IL36B: variants seen among roughly 807,000 people sequenced by gnomAD.
IL36B encodes interleukin 36 beta, also known as interleukin-36 beta.
Under a neutral mutation model 19.3 loss-of-function variants are expected in IL36B, and 23 were observed. The ratio of observed to expected loss-of-function variants is 1.19; its 90% confidence interval spans 0.86 to 1.69. The LOEUF (loss-of-function observed/expected upper bound fraction) is 1.69. Ranked by LOEUF, IL36B falls within the 40% of genes most tolerant of loss-of-function variation. The pLI, the probability that IL36B is intolerant of heterozygous loss-of-function variation, is 0.00. For missense variants in IL36B, 217 were observed against 200.5 expected (o/e 1.08, Z -0.50); for synonymous variants, 59 against 59.7 (o/e 0.99, Z 0.05).
At chr2:113,049,954 T>TAA (rs749594938) in intron 1 of IL36B, among the ~76,000 whole-genome samples, 2 of 139,370 alleles carry the variant, frequency 1.4e-5, no homozygotes, top group East Asian at 2.1e-4. Context: ...AAACTCCGTC[T>TAA]AAAAAAAAAA....
At chr2:113,026,319 G>A in intron 4 of IL36B, 1 of 1,577,858 alleles carries the variant, frequency 6.3e-7, no homozygotes, top group Non-Finnish European at 8.6e-7. Flanking sequence ...AATGACTGGA[G>A]TAAAAGGCCT....
At position 113,027,658 on chromosome 2, in the gene IL36B, G is replaced by A. The variant is rs981968882; in HGVS notation, c.261+1281C>T. 1.6e-5 allele frequency: 21 copies of A among 1,332,630 alleles called. No individual in the cohort carries two copies. The African/African-American group carries it at 3.1e-4, about 20-fold the overall frequency. 82.6% of individuals were successfully genotyped at this position (1,332,630 alleles called of 1,614,324 possible). ...TGGGCATGGCAGCTGAGTGGATGGT[G>A]GGGTAAGATCAAGAAAGAATGGAAA... On this transcript the variant is annotated intron_variant, in intron 4 of 5. Coordinates refer to ENST00000259213, the MANE Select transcript of IL36B (RefSeq NM_014438.5).
chr2:113,032,133 CTGTGTG>C lies in IL36B; in HGVS notation c.-57-373_-57-368del, dbSNP rs56385654. Among the ~76,000 whole-genome samples the C allele has an allele frequency of 4.4e-3, 629 of 144,006 alleles. 5 individuals are homozygous for C. Among genetic ancestry groups the C allele is most frequent in the Middle Eastern group, 0.014 (4 of 292 alleles). The allele number at this position is 144,006 out of a possible 152,430, so 94.5% of individuals were successfully genotyped here. A position where few individuals can be genotyped will look rare whatever the true frequency, so the allele number is the denominator to read the frequency against. ...GGAGAGACAGAGTGCGTGTGTGTGT[CTGTGTG>C]TGTGTGTGTGTGTGTGTGTGTGTGT... On this transcript the variant is annotated intron_variant, in intron 1 of 5. Transcript: ENST00000259213.
At position 113,026,279 on chromosome 2, in the gene IL36B, G is replaced by T. The variant is rs533516809; in HGVS notation, c.262-47C>A. ...TGTTGCTGAGATAATACACTGCCAG[G>T]TTACACTGTCTCAAAGTTGGTTGCA... On this transcript the variant is annotated intron_variant, in intron 4 of 5. Transcript: ENST00000259213. The T allele has an allele frequency of 5.2e-5, 83 of 1,609,902 alleles. 1 individual carries two copies. In the South Asian group the frequency reaches 5.6e-4, roughly 11 times the overall value.
At chr2:113,030,732 A>G (rs2105043881) in intron 3 of IL36B, among the ~76,000 whole-genome samples, 1 of 152,318 alleles carries the variant, frequency 6.6e-6, no homozygotes, top group Admixed American at 6.5e-5. Flanking sequence ...GGACACAGGT[A>G]GCAATGGTTG....
At chr2:113,045,726 A>G (rs1186904001) in intron 1 of IL36B, among the ~76,000 whole-genome samples, 2 of 152,154 alleles carry the variant, frequency 1.3e-5, no homozygotes, top group Non-Finnish European at 2.9e-5. Context: ...AAATTCACTA[A>G]TAATTTCTTC....
At chr2:113,036,846 A>T (rs1301091348) in intron 1 of IL36B, among the ~76,000 whole-genome samples, 3 of 152,180 alleles carry the variant, frequency 2.0e-5, no homozygotes, top group African/African-American at 7.2e-5. Flanking sequence ...GTCAGAAGGG[A>T]CTGCATCTGA....
intron 5 of IL36B, chr2:113,022,918 T>C: frequency 5.0e-6 from 3 of 598,948 alleles, no homozygotes; most frequent in Non-Finnish European, 9.0e-6. Flanking sequence ...TCAGCCTTAC[T>C]CACTTGATTC....
chr2:113,042,575 G>A (rs1471246974), intron 1 of IL36B, among the ~76,000 whole-genome samples: 1 of 152,136 alleles, frequency 6.6e-6, no homozygotes, highest in Non-Finnish European at 1.5e-5. Context: ...TTTATATAAA[G>A]GGGATCCCCC....
At chr2:113,040,233 C>A (rs1336837161) in intron 1 of IL36B, among the ~76,000 whole-genome samples, 2 of 152,178 alleles carry the variant, frequency 1.3e-5, no homozygotes, top group South Asian at 2.1e-4. Context: ...AAACTCCCAG[C>A]AAACTAGGAA....
chr2:113,025,993 C>T (rs13030063), intron 5 of IL36B: 828,187 of 1,483,680 alleles, frequency 0.56, 237,881 homozygotes, highest in East Asian at 0.7. Context: ...CTTAGACCTG[C>T]CATGGGTGAT....
At chr2:113,037,032 T>C (rs946044026) in intron 1 of IL36B, among the ~76,000 whole-genome samples, 2 of 152,254 alleles carry the variant, frequency 1.3e-5, no homozygotes, top group Admixed American at 1.3e-4. Flanking sequence ...TGAGGGAACC[T>C]TGGCTCTGAA....
chr2:113,036,940 C>CA lies in IL36B; in HGVS notation c.-57-5175_-57-5174insT, dbSNP rs1394064020. Among the ~76,000 whole-genome samples the CA allele has an allele frequency of 2.0e-5, 3 of 151,082 alleles. 1 individual carries two copies. The highest frequency in any genetic ancestry group is 4.4e-5 in the Non-Finnish European group (3 of 68,048). ...TGCCTGCAGGGAATTTGCGCTGCTC[C>CA]GATTCTCCAGTCTGGGGAATGTAAT... On this transcript the variant is annotated intron_variant, in intron 1 of 5. Coordinates refer to ENST00000259213, the MANE Select transcript of IL36B (RefSeq NM_014438.5).
In IL36B at chr2:113,028,949, A is replaced by G. The variant is rs766751911; in HGVS notation, c.251T>C (p.Leu84Ser). Residue 84 changes from leucine to serine, a missense_variant, in exon 4 of 6, where the codon TTG becomes TCG. Leu to Ser is a moderately radical substitution (Grantham distance 145, BLOSUM62 -2). Transcript: ENST00000259213. ...TGCACAATCACTCACCTTAAGCTGC[A>G]AAGTAGGCTTGCCCTGAATTTCTGC... The G allele has an allele frequency of 8.7e-6, 14 of 1,614,058 alleles. No homozygotes were observed. The highest frequency in any genetic ancestry group is 5.3e-5 in the African/African-American group (4 of 75,068).
chr2:113,045,913 C>A (rs1332094553), intron 1 of IL36B, among the ~76,000 whole-genome samples: 1 of 152,074 alleles, frequency 6.6e-6, no homozygotes, highest in East Asian at 1.9e-4. Context: ...TGTATCAGTT[C>A]TGGGTTGGCT....
intron 1 of IL36B, among the ~76,000 whole-genome samples, chr2:113,052,548 T>TG (rs1413655115): frequency 6.6e-6 from 1 of 152,234 alleles, no homozygotes; most frequent in Non-Finnish European, 1.5e-5. Context: ...GATGTGGGAA[T>TG]GAGGCAACAT....
intron 1 of IL36B, among the ~76,000 whole-genome samples, chr2:113,033,978 T>C (rs918855833): frequency 6.6e-6 from 1 of 152,212 alleles, no homozygotes; most frequent in East Asian, 1.9e-4. Flanking sequence ...TTCTGGAGCA[T>C]TGCAATAGTC....
At chr2:113,037,843 T>C (rs1405312637) in intron 1 of IL36B, among the ~76,000 whole-genome samples, 1 of 152,214 alleles carries the variant, frequency 6.6e-6, no homozygotes, top group East Asian at 1.9e-4. Context: ...AGAGGTAAAT[T>C]CTCATCAAAT....
intron 5 of IL36B, among the ~76,000 whole-genome samples, chr2:113,023,532 T>C (rs992024718): frequency 6.6e-6 from 1 of 152,236 alleles, no homozygotes; most frequent in Non-Finnish European, 1.5e-5. Context: ...TGTATGGTTT[T>C]TGATCTTTTG....
Sources: allele counts gnomAD v4.1 joint callset (sites outside exome capture counted in the v4.1 genomes callset), GRCh38; gene constraint gnomAD v4.1.1; transcripts MANE v1.5; gene names NCBI Gene and HGNC (gene_info 2026-07-23, HGNC 2026-07-21).